Variants in PIEZO2 observed in about 807,000 individuals in gnomAD.
PIEZO2 encodes piezo type mechanosensitive ion channel component 2, also known as piezo-type mechanosensitive ion channel component 2.
Under a neutral mutation model 337.3 loss-of-function variants are expected in PIEZO2, and 172 were observed. That is an observed-to-expected ratio of 0.51 (90% CI 0.45 to 0.58). PIEZO2 has a LOEUF of 0.58. Ranked by LOEUF, PIEZO2 falls within the 20% of genes least tolerant of loss-of-function variation. PIEZO2 has a pLI of 0.00. For missense variants in PIEZO2, 3,028 were observed against 3,391.3 expected, an observed-to-expected ratio of 0.89 and a Z score of 2.66; for synonymous variants, 1,251 against 1,228.5, an observed-to-expected ratio of 1.02 and a Z score of -0.38.
At chr18:11,052,076 T>G (rs1311244457) in intron 2 of PIEZO2, among the ~76,000 whole-genome samples, 3 of 151,684 alleles carry the variant, frequency 2.0e-5, no homozygotes, top group African/African-American at 7.3e-5. Context: ...TCCAGTTAGC[T>G]TCATAATTTT....
intron 1 of PIEZO2, among the ~76,000 whole-genome samples, chr18:11,103,552 G>A (rs2146104074): frequency 6.6e-6 from 1 of 152,306 alleles, no homozygotes; most frequent in African/African-American, 2.4e-5. Context: ...ACTGGAAAAT[G>A]AAAGGCTTAA....
At chr18:10,906,565 C>G (rs547116951) in intron 4 of PIEZO2, among the ~76,000 whole-genome samples, 2 of 145,742 alleles carry the variant, frequency 1.4e-5, no homozygotes, top group South Asian at 4.4e-4. Flanking sequence ...ATTATAAGAA[C>G]TTTTTTTTTT....
At position 10,724,367 on chromosome 18, in the gene PIEZO2, A is replaced by G. The variant is rs1326653754; in HGVS notation, c.5030-6108T>C. Reference sequence around the variant, plus strand: ...GAGCAAGACCCTGTCTCAAAAAACAAAAACGAAAACAAAAGTGCTTTCTCC... The same window carrying G: ...GAGCAAGACCCTGTCTCAAAAAACAGAAACGAAAACAAAAGTGCTTTCTCC... On this transcript the variant is annotated intron_variant, in intron 36 of 55. Transcript: ENST00000674853. This position sits in a 1 kb window ranked among gnomAD's most constrained non-coding sequence, Gnocchi z 5.8. 2.6e-5 allele frequency among the ~76,000 whole-genome samples: 4 copies of G among 152,114 alleles called. No individual in the cohort carries two copies. Among genetic ancestry groups the G allele is most frequent in the Admixed American group, 6.5e-5 (1 of 15,270 alleles).
At position 10,830,559 on chromosome 18, in the gene PIEZO2, C is replaced by T. The variant is rs2040815725; in HGVS notation, c.918-23285G>A. ...TGGATTAAAGACTTAAATCTAAGACCTCAAGCTATAAAACTACTAAAAGAA... is the reference window on the plus strand; with the variant it reads ...TGGATTAAAGACTTAAATCTAAGACTTCAAGCTATAAAACTACTAAAAGAA... On this transcript the variant is annotated intron_variant, in intron 7 of 55. Coordinates refer to ENST00000674853, the MANE Select transcript of PIEZO2 (RefSeq NM_001378183.1). This position sits in a 1 kb window ranked among gnomAD's most constrained non-coding sequence, Gnocchi z 4.7. Among the ~76,000 whole-genome samples the T allele has an allele frequency of 6.6e-6, 1 of 151,940 alleles. No homozygotes were observed. The highest frequency in any genetic ancestry group is 2.4e-5 in the African/African-American group (1 of 41,348).
At chr18:11,071,564 A>G (rs1211457564) in intron 1 of PIEZO2, among the ~76,000 whole-genome samples, 2 of 152,218 alleles carry the variant, frequency 1.3e-5, no homozygotes, top group Non-Finnish European at 1.5e-5. Flanking sequence ...TATGTTGGAA[A>G]GGAAGTGCTA....
intron 3 of PIEZO2, among the ~76,000 whole-genome samples, chr18:10,971,902 A>C (rs904162667): frequency 3.3e-5 from 5 of 152,310 alleles, no homozygotes; most frequent in East Asian, 1.9e-4. Flanking sequence ...ACTAATGAGC[A>C]GCCTAAGGCG....
intron 3 of PIEZO2, among the ~76,000 whole-genome samples, chr18:10,928,120 G>A (rs1328057783): frequency 3.9e-5 from 6 of 152,122 alleles, no homozygotes; most frequent in East Asian, 1.9e-4. Context: ...GCTCATACAC[G>A]CCATTAGGAA....
At chr18:11,106,262 A>ATT (rs34892450) in intron 1 of PIEZO2, among the ~76,000 whole-genome samples, 15 of 114,694 alleles carry the variant, frequency 1.3e-4, no homozygotes, top group African/African-American at 2.5e-4. Flanking sequence ...AATTTTTTGT[A>ATT]TTTTTTTTTT....
Position 11,077,520 on chromosome 18 carries a change from A to G in PIEZO2, c.65-11298T>C, listed in dbSNP as rs993182398. ...CCATCTCCACACAAAAAAAGAAAAA[A>G]CTAGCTGGGCATGGTGGTGCATGCC... On this transcript the variant is annotated intron_variant, in intron 1 of 55. Coordinates refer to ENST00000674853, the MANE Select transcript of PIEZO2 (RefSeq NM_001378183.1). This position sits in a 1 kb window ranked among gnomAD's most constrained non-coding sequence, Gnocchi z 4.8. Among the ~76,000 whole-genome samples, 3 of 152,166 alleles carry G rather than the reference A, an allele frequency of 2.0e-5. No individual in the cohort carries two copies. Among genetic ancestry groups the G allele is most frequent in the African/African-American group, 7.2e-5 (3 of 41,444 alleles).
Position 11,031,559 on chromosome 18 carries a change from A to ACT in PIEZO2, c.160+34567_160+34568insAG, listed in dbSNP as rs2036739168. Among the ~76,000 whole-genome samples the ACT allele has an allele frequency of 6.6e-6, 1 of 152,198 alleles. No individual in the cohort carries two copies. The highest frequency in any genetic ancestry group is 6.5e-5 in the Admixed American group (1 of 15,282). ...TATTCTTCACAGAGATGATATTCAAATTATGCTTTTAAAACATTTTTATAA... is the reference window on the plus strand; with the variant it reads ...TATTCTTCACAGAGATGATATTCAAACTTTATGCTTTTAAAACATTTTTATAA... On this transcript the variant is annotated intron_variant, in intron 2 of 55. Transcript: ENST00000674853. The surrounding 1 kb of genome is among the most constrained non-coding windows in gnomAD (Gnocchi z 4.7).
chr18:10,880,478 T>A (rs181760616), intron 4 of PIEZO2, among the ~76,000 whole-genome samples: 23 of 152,262 alleles, frequency 1.5e-4, no homozygotes, highest in Admixed American at 1.5e-3. Flanking sequence ...AGAAAAATGT[T>A]GGAGTATTGC....
intron 1 of PIEZO2, among the ~76,000 whole-genome samples, chr18:11,121,318 G>A (rs898212644): frequency 6.6e-6 from 1 of 152,126 alleles, no homozygotes; most frequent in African/African-American, 2.4e-5. Context: ...ACTTTGGTAG[G>A]TCAAGGCAGG....
At chr18:11,066,355 A>G in intron 1 of PIEZO2, 133 bp from the exon 2 acceptor site, 1 of 625,072 alleles carries the variant, frequency 1.6e-6, no homozygotes, top group East Asian at 2.8e-5. Flanking sequence ...TAGATATGTC[A>G]ATTAAACAGT....
In PIEZO2 at chr18:10,875,501, G is replaced by A. The variant is rs992940727; in HGVS notation, c.330-4086C>T. ...CAGGCTTGGGTGGCTGTTTCGGTGT[G>A]GGGCTGAGGTCAGGAGTAGTAGTAG... On this transcript the variant is annotated intron_variant, in intron 4 of 55. Transcript: ENST00000674853. Among the ~76,000 whole-genome samples, 7 of 152,266 alleles carry A rather than the reference G, an allele frequency of 4.6e-5. No individual in the cohort carries two copies. The East Asian group carries it at 1.4e-3, about 29-fold the overall frequency.
rs181544499 is a variant in PIEZO2 at position 10,861,905 on chromosome 18, C to T, written c.493-4694G>A. On this transcript the variant is annotated intron_variant, in intron 5 of 55. Transcript: ENST00000674853. The surrounding 1 kb of genome is among the most constrained non-coding windows in gnomAD (Gnocchi z 4.3). ...TGGTGGCGCACGCCTGTAATCCCAG[C>T]TACTCAGGAAGCTGAGGCAGGAGAA... 4.4e-3 allele frequency among the ~76,000 whole-genome samples: 671 copies of T among 152,160 alleles called. 4 individuals are homozygous for T. Among genetic ancestry groups the T allele is most frequent in the African/African-American group, 0.015 (641 of 41,522 alleles).
rs566042169 is a variant in PIEZO2, at chr18:11,070,788, C to T, written c.65-4566G>A. On this transcript the variant is annotated intron_variant, in intron 1 of 55. Transcript: ENST00000674853. The surrounding 1 kb of genome is among the most constrained non-coding windows in gnomAD (Gnocchi z 4.3). Reference sequence around the variant, plus strand: ...GAGGCCCGGGAGACTGAGCAGAGGACGCCAGGGAACAGACTGGGCCTAAGT... The same window carrying T: ...GAGGCCCGGGAGACTGAGCAGAGGATGCCAGGGAACAGACTGGGCCTAAGT... Among the ~76,000 whole-genome samples the T allele has an allele frequency of 2.3e-4, 35 of 152,284 alleles. No homozygotes were observed. In the South Asian group the frequency reaches 4.3e-3, roughly 19 times the overall value.
At chr18:10,987,774 C>T (rs577564896) in intron 2 of PIEZO2, among the ~76,000 whole-genome samples, 25 of 151,896 alleles carry the variant, frequency 1.6e-4, no homozygotes, top group Admixed American at 6.6e-4. Flanking sequence ...GAATTGGAGA[C>T]AATACTTGTA....
intron 27 of PIEZO2, among the ~76,000 whole-genome samples, chr18:10,757,592 G>T (rs1360382009): frequency 6.6e-6 from 1 of 151,202 alleles, no homozygotes; most frequent in East Asian, 1.9e-4. Flanking sequence ...TGAAAGATAA[G>T]GAAGAAAGAT....
rs587777453 is a variant in PIEZO2 at position 10,789,114 on chromosome 18, T to A, written c.2134A>T (p.Met712Leu). 5 of 1,537,298 alleles carry A rather than the reference T, an allele frequency of 3.3e-6. No homozygotes were observed. The highest frequency in any genetic ancestry group is 2.4e-5 in the East Asian group (1 of 40,922). Residue 712 changes from methionine to leucine, a missense_variant, in exon 15 of 56, where the codon ATG becomes TTG. By Grantham distance (15) the Met-to-Leu change is conservative. Coordinates refer to ENST00000674853, the MANE Select transcript of PIEZO2 (RefSeq NM_001378183.1). ...GKIVMYKIIY[M>L]VLFLFCVALY... ...GCCACACAGAACAGGAACAGCACCA[T>A]GTAGATGATTTTGTACATTACGATT...
Sources: allele counts gnomAD v4.1 joint callset (sites outside exome capture counted in the v4.1 genomes callset), GRCh38; gene constraint gnomAD v4.1.1; non-coding constraint Gnocchi (gnomAD v3.1); transcripts MANE v1.5; gene names NCBI Gene and HGNC (gene_info 2026-07-23, HGNC 2026-07-21).